ACSBG2: variants seen among roughly 807,000 people sequenced by gnomAD.
The protein encoded by ACSBG2 is acyl-CoA synthetase bubblegum family member 2.
A neutral mutation model predicts 74.7 loss-of-function variants in ACSBG2; 62 were observed. The observed-to-expected ratio is 0.83, with a 90% CI of 0.68 to 1.03. ACSBG2 has a LOEUF of 1.03. Ranked by LOEUF, ACSBG2 falls within the 50% of genes least tolerant of loss-of-function variation. The probability of loss-of-function intolerance (pLI) is 0.00; values close to 1 mark genes in which losing one functional copy is unlikely to be tolerated. For missense variants in ACSBG2, 730 were observed against 817.6 expected (o/e 0.89, Z 1.31); for synonymous variants, 309 against 294.1 (o/e 1.05, Z -0.52).
Position 6,185,565 on chromosome 19 carries a change from G to C in ACSBG2, c.1452G>C (p.Glu484Asp), listed in dbSNP as rs530243353. ...GYLESETETT[E>D]AIDDEGWLHS... ...TGGAAAGTGAGACTGAAACTACAGA[G>C]GCCATCGATGATGAAGGCTGGCTAC... The change falls in exon 11 of 15, where the codon GAG (glutamate) becomes GAC (aspartate). Residue 484 changes from glutamate (E) to aspartate (D), a missense_variant. Glu to Asp is a conservative substitution (Grantham distance 45, BLOSUM62 2). Transcript: ENST00000588485. 1.2e-5 allele frequency: 20 copies of C among 1,614,196 alleles called. No individual in the cohort carries two copies. The highest frequency in any genetic ancestry group is 1.5e-5 in the Non-Finnish European group (18 of 1,180,034).
intron 8 of ACSBG2, 148 bp from the exon 9 acceptor site, chr19:6,182,603 A>C: frequency 1.4e-6 from 1 of 718,698 alleles, no homozygotes; most frequent in South Asian, 2.2e-5. Context: ...AACCCAGCTA[A>C]TGGGTTGTCT....
intron 13 of ACSBG2, among the ~76,000 whole-genome samples, chr19:6,188,779 T>C (rs759741518): frequency 7.9e-5 from 12 of 152,048 alleles, no homozygotes; most frequent in Admixed American, 2.0e-4. Context: ...GCTGGAAAAT[T>C]AGAGTCATTG....
chr19:6,179,293 A>ATTTT (rs1169472742), intron 8 of ACSBG2, among the ~76,000 whole-genome samples: 13 of 118,590 alleles, frequency 1.1e-4, no homozygotes, highest in African/African-American at 3.1e-4. Flanking sequence ...TCTTTTCTAA[A>ATTTT]TTTTTTTTTT....
At chr19:6,171,793 C>T (rs1299342030) in intron 7 of ACSBG2, among the ~76,000 whole-genome samples, 4 of 152,070 alleles carry the variant, frequency 2.6e-5, no homozygotes, top group Non-Finnish European at 5.9e-5. Context: ...CTGTATTACT[C>T]CCTCAAATAT....
chr19:6,182,019 G>T (rs1034742496), intron 8 of ACSBG2, among the ~76,000 whole-genome samples: 4 of 152,124 alleles, frequency 2.6e-5, no homozygotes, highest in Non-Finnish European at 5.9e-5. Flanking sequence ...TTTTAAAACA[G>T]AAAGTTTCAC....
intron 7 of ACSBG2, 100 bp downstream of exon 7, chr19:6,166,115 T>C: frequency 1.9e-5 from 28 of 1,461,442 alleles, no homozygotes; most frequent in Non-Finnish European, 2.5e-5. Context: ...GTACGCAGTG[T>C]GGCTCCTTCA....
chr19:6,192,071 C>CAAAAA (rs397859531), intron 14 of ACSBG2: 148 of 57,328 alleles, frequency 2.6e-3, no homozygotes, highest in Admixed American at 3.1e-3. Flanking sequence ...AGCACAGCAC[C>CAAAAA]AAAAAAAAAA....
In ACSBG2 at chr19:6,151,722, T is replaced by C. The variant is rs2145056813; in HGVS notation, c.313T>C (p.Phe105Leu). ...KSLIKLGLER[F>L]HGVGILGFNS... ...TCCTTCCCAGCTGGGTTTGGAGCGT[T>C]TCCACGGAGTTGGTATCCTGGGGTT... The change falls in exon 4 of 15, where the codon TTC becomes CTC. Residue 105 changes from phenylalanine to leucine, a missense_variant. Coordinates refer to ENST00000588485, the MANE Select transcript of ACSBG2 (RefSeq NM_030924.5). 3 of 1,600,554 alleles carry C rather than the reference T, an allele frequency of 1.9e-6. No homozygotes were observed. The highest frequency in any genetic ancestry group is 2.6e-6 in the Non-Finnish European group (3 of 1,173,172).
intron 1 of ACSBG2, among the ~76,000 whole-genome samples, chr19:6,139,523 T>C (rs2088736485): frequency 1.3e-5 from 2 of 152,232 alleles, no homozygotes; most frequent in Non-Finnish European, 2.9e-5. Context: ...AGTTTTCACC[T>C]GCTGTGTTCC....
intron 13 of ACSBG2, among the ~76,000 whole-genome samples, chr19:6,188,805 G>C (rs2090475390): frequency 1.3e-5 from 2 of 152,118 alleles, no homozygotes; most frequent in African/African-American, 4.8e-5. Flanking sequence ...TTGAGGTAAA[G>C]GGGATGAAAT....
intron 4 of ACSBG2, among the ~76,000 whole-genome samples, chr19:6,153,258 C>G (rs1361332304): frequency 1.3e-5 from 2 of 151,830 alleles, no homozygotes; most frequent in Non-Finnish European, 2.9e-5. Flanking sequence ...AAAAACAAAA[C>G]AAAACAAAAA....
intron 7 of ACSBG2, among the ~76,000 whole-genome samples, chr19:6,168,559 A>G (rs559320240): frequency 6.6e-6 from 1 of 152,128 alleles, no homozygotes; most frequent in African/African-American, 2.4e-5. Flanking sequence ...GGAGGACTCA[A>G]TCCACTTTTG....
At chr19:6,190,532 G>A in intron 13 of ACSBG2, 52 bp from the exon 14 acceptor site, 1 of 1,499,752 alleles carries the variant, frequency 6.7e-7, no homozygotes, top group Non-Finnish European at 9.3e-7. Context: ...GCATGGGTGT[G>A]TGTAATTTTC....
chr19:6,183,174 C>A lies in ACSBG2; in HGVS notation c.1224C>A (p.Phe408Leu), dbSNP rs149994638. The change falls in exon 10 of 15, where the codon TTC becomes TTA. Residue 408 changes from phenylalanine to leucine, a missense_variant. Transcript: ENST00000588485. ...CCCTCAACCAAGAGACTGCCGAGTT[C>A]TTTCTAAGCTTGGACATACCTATAG... ...TAPLNQETAE[F>L]FLSLDIPIGE... 1.1e-3 allele frequency: 1,854 copies of A among 1,614,228 alleles called. 2 individuals are homozygous for A. The highest frequency in any genetic ancestry group is 1.6e-3 in the Admixed American group (97 of 60,024).
chr19:6,162,719 G>C (rs1463325175), intron 6 of ACSBG2, among the ~76,000 whole-genome samples: 1 of 151,958 alleles, frequency 6.6e-6, no homozygotes, highest in Non-Finnish European at 1.5e-5. Context: ...TTGACATTTG[G>C]GGCAGGTAAT....
In ACSBG2 at chr19:6,156,496, C is replaced by T. The variant is rs770408316; in HGVS notation, c.452C>T (p.Ala151Val). Residue 151 changes from alanine (A) to valine (V), a missense_variant, in exon 5 of 15, where the codon GCC becomes GTC. Coordinates refer to ENST00000588485, the MANE Select transcript of ACSBG2 (RefSeq NM_030924.5). Reference protein sequence around the residue: ...AEVCQYVITHAKVNILLVEND... With the variant: ...AEVCQYVITHVKVNILLVEND... ...GTTTGTCAATATGTCATCACTCATG[C>T]CAAAGTGAACATCTTGCTGGTTGAG... The T allele has an allele frequency of 2.5e-6, 4 of 1,597,942 alleles. No individual in the cohort carries two copies. Among genetic ancestry groups the T allele is most frequent in the African/African-American group, 1.3e-5 (1 of 74,164 alleles).
Position 6,135,894 on chromosome 19 carries a change from T to C in ACSBG2, c.-47T>C, listed in dbSNP as rs1230901348. On this transcript the variant is annotated 5_prime_UTR_variant, in exon 1 of 15. Coordinates refer to ENST00000588485, the MANE Select transcript of ACSBG2 (RefSeq NM_030924.5). ...CTTGCCAGATGGCCAGAACCACACC[T>C]CTTGAAGAGTGACAGGTGCCAGTGG... 1 of 152,282 alleles carries C rather than the reference T, an allele frequency of 6.6e-6. No individual in the cohort carries two copies. The highest frequency in any genetic ancestry group is 1.5e-5 in the Non-Finnish European group (1 of 68,164). The allele number at this position is 152,282 out of a possible 1,614,324, so 9.4% of individuals were successfully genotyped here.
At chr19:6,162,562 G>A (rs1420319199) in intron 6 of ACSBG2, among the ~76,000 whole-genome samples, 16 of 56,614 alleles carry the variant, frequency 2.8e-4, no homozygotes, top group South Asian at 2.6e-3. Flanking sequence ...GCAAGACTCC[G>A]TCTCAAAAAA....
intron 5 of ACSBG2, 122 bp from the exon 6 acceptor site, chr19:6,161,091 CTG>C (rs2089593738): frequency 1.6e-6 from 1 of 625,544 alleles, no homozygotes; most frequent in Non-Finnish European, 2.6e-6. Flanking sequence ...CAGAGCAAGA[CTG>C]TGTCTCAAAA....
Sources: gnomAD v4.1 joint callset for allele counts (sites outside exome capture counted in the v4.1 genomes callset) on GRCh38, gnomAD v4.1.1 for gene constraint, MANE v1.5 for transcripts, NCBI Gene and HGNC (gene_info 2026-07-23, HGNC 2026-07-21) for gene names.